The following VIT variants were observed in gnomAD, a reference collection of about 807,000 sequenced individuals.
VIT encodes the protein vitrin.
Under a neutral mutation model 78.0 loss-of-function variants are expected in VIT, and 99 were observed. The ratio of observed to expected loss-of-function variants is 1.27; its 90% CI spans 1.08 to 1.50. The LOEUF is 1.50. Among genes scored for constraint, VIT ranks in the 40% most tolerant of loss-of-function variants. The pLI is 0.00. For missense variants in VIT, 1,126 were observed against 875.3 expected (o/e 1.29, Z -3.61); for synonymous variants, 374 against 334.3 (o/e 1.12, Z -1.29).
At chr2:36,720,224 T>A (rs1164917620) in intron 2 of VIT, among the ~76,000 whole-genome samples, 1 of 152,108 alleles carries the variant, frequency 6.6e-6, no homozygotes, top group African/African-American at 2.4e-5. Context: ...AGGCATCAAA[T>A]ACCCAACATC....
chr2:36,737,328 C>G (rs1667569193), intron 3 of VIT, among the ~76,000 whole-genome samples: 1 of 152,016 alleles, frequency 6.6e-6, no homozygotes, highest in East Asian at 1.9e-4. Flanking sequence ...GGATTAGGAC[C>G]CACCAGGCAA....
chr2:36,710,000 G>C (rs112638516), intron 1 of VIT, among the ~76,000 whole-genome samples: 5 of 152,182 alleles, frequency 3.3e-5, no homozygotes, highest in South Asian at 2.1e-4. Flanking sequence ...CTGGAGCAAT[G>C]AGCAAGAGTG....
intron 11 of VIT, among the ~76,000 whole-genome samples, chr2:36,786,610 C>T (rs1163769040): frequency 1.3e-5 from 2 of 152,170 alleles, no homozygotes; most frequent in African/African-American, 4.8e-5. Flanking sequence ...TCTTTGGTTC[C>T]CTCGCCCAGG....
chr2:36,712,350 T>C (rs1458590621), intron 1 of VIT, among the ~76,000 whole-genome samples: 2 of 152,154 alleles, frequency 1.3e-5, no homozygotes, highest in Non-Finnish European at 1.5e-5. Context: ...CGGAATCCCG[T>C]TGGTTTTTAT....
chr2:36,767,105 A>G lies in VIT; in HGVS notation c.499A>G (p.Lys167Glu). 1 of 1,599,968 alleles carries G rather than the reference A, an allele frequency of 6.3e-7. No homozygotes were observed. The highest frequency in any genetic ancestry group is 8.5e-7 in the Non-Finnish European group (1 of 1,173,502). Residue 167 changes from lysine (K) to glutamate (E), a missense_variant, in exon 7 of 16, where the codon AAA (lysine) becomes GAA (glutamate). Lys to Glu is a moderately conservative substitution (Grantham distance 56). Transcript: ENST00000379242. ...CCATTTTCTTACAGGTGAGACCACAAAAGCCTATCAGAGGCCACCTATTCC... is the reference window on the plus strand; with the variant it reads ...CCATTTTCTTACAGGTGAGACCACAGAAGCCTATCAGAGGCCACCTATTCC... Reference protein sequence around the residue: ...SPAAQAGETTKAYQRPPIPGT... With the variant: ...SPAAQAGETTEAYQRPPIPGT...
chr2:36,729,598 A>T (rs1382405609), intron 3 of VIT, 107 bp downstream of exon 3: 1 of 1,078,776 alleles, frequency 9.3e-7, no homozygotes, highest in Non-Finnish European at 1.3e-6. Flanking sequence ...TTTTATCTCT[A>T]TGTCAATTAA....
intron 4 of VIT, among the ~76,000 whole-genome samples, chr2:36,752,760 G>T (rs1668539876): frequency 6.6e-6 from 1 of 152,206 alleles, no homozygotes; most frequent in Admixed American, 6.5e-5. Context: ...GGCTCTCACA[G>T]AGTGTGAATT....
Position 36,814,175 on chromosome 2 carries a change from C to G in VIT, c.1904-8C>G. The G allele has an allele frequency of 6.2e-7, 1 of 1,611,568 alleles. No individual in the cohort carries two copies. The highest frequency in any genetic ancestry group is 2.2e-5 in the East Asian group (1 of 44,822). On this transcript the variant is annotated splice_polypyrimidine_tract_variant and splice_region_variant and intron_variant, in intron 15 of 15. Coordinates refer to ENST00000379242, the MANE Select transcript of VIT (RefSeq NM_053276.4). ...GGACATTTGTTCATCTAACCTTTGTCCCCACAGGAGTGATCACCTATGCGA... is the reference window on the plus strand; with the variant it reads ...GGACATTTGTTCATCTAACCTTTGTGCCCACAGGAGTGATCACCTATGCGA...
intron 5 of VIT, among the ~76,000 whole-genome samples, chr2:36,758,601 T>C (rs1668909867): frequency 1.3e-5 from 2 of 152,248 alleles, no homozygotes; most frequent in South Asian, 4.1e-4. Flanking sequence ...CTCCATCATC[T>C]CAAAGGAGAG....
intron 2 of VIT, among the ~76,000 whole-genome samples, chr2:36,723,981 G>A (rs575481110): frequency 6.9e-6 from 1 of 145,918 alleles, no homozygotes; most frequent in East Asian, 2.2e-4. Flanking sequence ...GGGAGGGGAG[G>A]GGGGGGATTA....
At chr2:36,741,970 A>G (rs1489340269) in intron 3 of VIT, among the ~76,000 whole-genome samples, 1 of 152,162 alleles carries the variant, frequency 6.6e-6, no homozygotes, top group African/African-American at 2.4e-5. Context: ...ATTGCCTCCA[A>G]TTCTTGCTTC....
In VIT at chr2:36,811,887, G is replaced by T. The variant is rs1667200131; in HGVS notation, c.1904-2296G>T. Among the ~76,000 whole-genome samples, 5 of 152,184 alleles carry T rather than the reference G, an allele frequency of 3.3e-5. No individual in the cohort carries two copies. The South Asian group carries it at 1.0e-3, about 32-fold the overall frequency. ...GACGGAGTTTCACCATGTTGGCTAG[G>T]CTGGTCTTGAACTCCTAACCTCAGG... On this transcript the variant is annotated intron_variant, in intron 15 of 15. Coordinates refer to ENST00000379242, the MANE Select transcript of VIT (RefSeq NM_053276.4).
chr2:36,781,788 A>G lies in VIT; in HGVS notation c.847+17A>G. On this transcript the variant is annotated intron_variant, in intron 10 of 15. Coordinates refer to ENST00000379242, the MANE Select transcript of VIT (RefSeq NM_053276.4). ...TAGATGAAGGTAATTATACAGCCCA[A>G]CCTCTCAGCCACGCGTGGATCAAGA... 2.5e-6 allele frequency: 4 copies of G among 1,614,028 alleles called. No homozygotes were observed. The highest frequency in any genetic ancestry group is 2.2e-5 in the South Asian group (2 of 91,062).
At chr2:36,813,552 C>G (rs1444008867) in intron 15 of VIT, among the ~76,000 whole-genome samples, 3 of 152,112 alleles carry the variant, frequency 2.0e-5, no homozygotes, top group Admixed American at 6.5e-5. Context: ...ATCTTGGAAG[C>G]CTTTCTTCAT....
At chr2:36,737,612 G>A (rs1667586631) in intron 3 of VIT, among the ~76,000 whole-genome samples, 1 of 152,160 alleles carries the variant, frequency 6.6e-6, no homozygotes, top group Admixed American at 6.5e-5. Flanking sequence ...AAAGATTTTT[G>A]CAATCAACCT....
At chr2:36,720,697 G>A (rs1666450583) in intron 2 of VIT, among the ~76,000 whole-genome samples, 1 of 152,174 alleles carries the variant, frequency 6.6e-6, no homozygotes, top group African/African-American at 2.4e-5. Context: ...GGGAAATAGG[G>A]AGATGCTGGT....
chr2:36,774,646 G>A lies in VIT; in HGVS notation c.737-356G>A, dbSNP rs1161695133. On this transcript the variant is annotated intron_variant, in intron 8 of 15. Transcript: ENST00000379242. ...CCCAATGGGCTCCTCTGGTCAGGGC[G>A]AGCAGCTTCTATGAGCTTCACAATT... is the stretch of plus-strand genomic sequence containing the variant. 8.1e-6 allele frequency: 8 copies of A among 985,314 alleles called. No homozygotes were observed. The East Asian group carries it at 3.4e-4, about 42-fold the overall frequency. The allele number at this position is 985,314 out of a possible 1,614,324, so 61.0% of individuals were successfully genotyped here.
intron 5 of VIT, among the ~76,000 whole-genome samples, chr2:36,756,076 G>A (rs186416188): frequency 0.065 from 9,656 of 149,316 alleles, 810 homozygotes; most frequent in African/African-American, 0.19. Flanking sequence ...TCCTGCCTCA[G>A]CCTCCCGAGT....
chr2:36,720,172 C>T (rs1666413047), intron 2 of VIT, among the ~76,000 whole-genome samples: 1 of 152,002 alleles, frequency 6.6e-6, no homozygotes, highest in Non-Finnish European at 1.5e-5. Flanking sequence ...AGAAAAGATT[C>T]CAAAAGGCCA....
Sources: gnomAD v4.1 joint callset for allele counts (sites outside exome capture counted in the v4.1 genomes callset) on GRCh38, gnomAD v4.1.1 for gene constraint, MANE v1.5 for transcripts, NCBI Gene and HGNC (gene_info 2026-07-23, HGNC 2026-07-21) for gene names.